Variants in PPHLN1 observed in about 807,000 individuals in gnomAD.
PPHLN1 encodes the protein periphilin 1.
PPHLN1 carries 29 observed loss-of-function variants against 51.3 expected under a neutral mutation model. That is an observed-to-expected ratio of 0.57 (90% CI 0.42 to 0.77). The LOEUF (loss-of-function observed/expected upper bound fraction) is 0.77, where lower values mean the gene tolerates loss of function less well. Among genes scored for constraint, PPHLN1 ranks in the 30% least tolerant of loss-of-function variants. The pLI, the probability that PPHLN1 is intolerant of heterozygous loss-of-function variation, is 0.00. For missense variants in PPHLN1, 436 were observed against 438.4 expected (o/e 0.99, Z 0.05); for synonymous variants, 147 against 147.8 (o/e 0.99, Z 0.04).
rs766925851 is a variant in PPHLN1, at chr12:42,442,149, T to G, written c.*640T>G. 4.2e-5 allele frequency: 9 copies of G among 215,908 alleles called. No individual in the cohort carries two copies. Among genetic ancestry groups the G allele is most frequent in the Non-Finnish European group, 7.1e-5 (9 of 126,226 alleles). 13.4% of individuals were successfully genotyped at this position (215,908 alleles called of 1,614,324 possible). On this transcript the variant is annotated 3_prime_UTR_variant, in exon 10 of 10. Transcript: ENST00000358314. Reference sequence around the variant, plus strand: ...TAATATCATATACAAGACTAATAAATAGAAGATGCAGTTTGAGGTGGAAGG... The same window carrying G: ...TAATATCATATACAAGACTAATAAAGAGAAGATGCAGTTTGAGGTGGAAGG...
chr12:42,388,630 C>G (rs1350177853), intron 7 of PPHLN1, among the ~76,000 whole-genome samples: 1 of 152,094 alleles, frequency 6.6e-6, no homozygotes, highest in Non-Finnish European at 1.5e-5. Context: ...TACTTTGTCT[C>G]TGTGTCTTAT....
chr12:42,442,878 G>A (rs1289219595), downstream of PPHLN1: 4 of 1,383,692 alleles, frequency 2.9e-6, no homozygotes, highest in Admixed American at 7.5e-5. Flanking sequence ...AGCTAGCAGA[G>A]CCTCGGTTTC....
At chr12:42,392,637 T>C (rs556285615) in intron 7 of PPHLN1, among the ~76,000 whole-genome samples, 11 of 152,338 alleles carry the variant, frequency 7.2e-5, no homozygotes, top group Middle Eastern at 6.8e-3. Flanking sequence ...AATTTGTGCT[T>C]GACAATTCAT....
At chr12:42,412,531 T>C (rs1473204004) in intron 9 of PPHLN1, among the ~76,000 whole-genome samples, 1 of 152,198 alleles carries the variant, frequency 6.6e-6, no homozygotes, top group African/African-American at 2.4e-5. Flanking sequence ...AATTGTGAAT[T>C]GTGCTACAAT....
intron 5 of PPHLN1, 138 bp from the exon 6 acceptor site, chr12:42,384,802 A>T: frequency 1.5e-6 from 1 of 665,964 alleles, no homozygotes; most frequent in Non-Finnish European, 2.5e-6. Flanking sequence ...ACTTGAAAGT[A>T]GGGTAGGAAA....
At position 42,375,045 on chromosome 12, in the gene PPHLN1, C is replaced by T. The variant is rs143824293; in HGVS notation, c.482C>T (p.Ser161Leu). 11 of 1,612,034 alleles carry T rather than the reference C, an allele frequency of 6.8e-6. No individual in the cohort carries two copies. The highest frequency in any genetic ancestry group is 9.3e-6 in the Non-Finnish European group (11 of 1,178,736). Residue 161 changes from serine to leucine, a missense_variant, in exon 5 of 10, where the codon TCA (serine) becomes TTA (leucine). By Grantham distance (145) the Ser-to-Leu change is moderately radical. Transcript: ENST00000358314. ...AGCTACTCTCCAGAAAGGAGCAAAT[C>T]ATACTCTTTCCATCAGTCTCAACAT... ...SRSYSPERSK[S>L]YSFHQSQHRK...
chr12:42,430,075 G>C (rs551361552), intron 9 of PPHLN1, among the ~76,000 whole-genome samples: 1 of 152,288 alleles, frequency 6.6e-6, no homozygotes, highest in Non-Finnish European at 1.5e-5. Context: ...TTTAGGGGCT[G>C]ATTGCCCAGG....
intron 4 of PPHLN1, among the ~76,000 whole-genome samples, chr12:42,360,043 G>A (rs573500361): frequency 1.3e-5 from 2 of 150,322 alleles, no homozygotes; most frequent in East Asian, 4.0e-4. Flanking sequence ...AGGAGATGGA[G>A]GCTGCAGTGA....
intron 9 of PPHLN1, chr12:42,431,968 G>T: frequency 6.8e-7 from 1 of 1,474,408 alleles, no homozygotes; most frequent in Non-Finnish European, 9.5e-7. Flanking sequence ...GCTGGCATCA[G>T]TGTCTGCAGT....
At chr12:42,340,495 A>G (rs559588885) in intron 2 of PPHLN1, among the ~76,000 whole-genome samples, 2 of 152,326 alleles carry the variant, frequency 1.3e-5, no homozygotes, top group African/African-American at 2.4e-5. Context: ...TTATACACCA[A>G]TGAGAATCAA....
At chr12:42,411,916 A>C (rs1319300692) in intron 9 of PPHLN1, among the ~76,000 whole-genome samples, 1 of 128,030 alleles carries the variant, frequency 7.8e-6, no homozygotes, top group African/African-American at 3.0e-5. Context: ...AAAAAAAAAA[A>C]AAAAAAAGGG....
intron 9 of PPHLN1, among the ~76,000 whole-genome samples, chr12:42,407,359 A>G (rs1336027012): frequency 1.3e-5 from 2 of 152,234 alleles, no homozygotes; most frequent in African/African-American, 2.4e-5. Context: ...TGCTGTTGGC[A>G]GAAGATTTTG....
chr12:42,429,181 A>T (rs557616967), intron 9 of PPHLN1, among the ~76,000 whole-genome samples: 2 of 152,264 alleles, frequency 1.3e-5, no homozygotes, highest in East Asian at 3.9e-4. Flanking sequence ...CATCTTAGAA[A>T]TTCTTTTCCC....
chr12:42,424,308 C>T (rs1198139474), intron 9 of PPHLN1, among the ~76,000 whole-genome samples: 7 of 152,198 alleles, frequency 4.6e-5, no homozygotes, highest in African/African-American at 1.2e-4. Flanking sequence ...CAGGGTTTCT[C>T]ATGTAACAGG....
chr12:42,343,559 A>G (rs554879773), intron 2 of PPHLN1, among the ~76,000 whole-genome samples: 6 of 152,320 alleles, frequency 3.9e-5, no homozygotes, highest in African/African-American at 1.4e-4. Context: ...CTACTCAAGC[A>G]TATGTATTAT....
At chr12:42,397,037 CAAAA>C (rs34558119) in intron 8 of PPHLN1, among the ~76,000 whole-genome samples, 6 of 129,026 alleles carry the variant, frequency 4.7e-5, no homozygotes, top group African/African-American at 5.9e-5. Context: ...GACCTAGTCT[CAAAA>C]AAAAAAAAAA....
intron 9 of PPHLN1, among the ~76,000 whole-genome samples, chr12:42,429,698 A>G (rs1167416067): frequency 1.3e-5 from 2 of 152,256 alleles, no homozygotes; most frequent in Non-Finnish European, 2.9e-5. Context: ...GCTTTAACAT[A>G]GAAGGTGAGC....
intron 9 of PPHLN1, among the ~76,000 whole-genome samples, chr12:42,439,039 TA>T (rs1381171140): frequency 1.3e-5 from 2 of 152,236 alleles, no homozygotes; most frequent in Non-Finnish European, 2.9e-5. Context: ...CACAGATTTT[TA>T]AATTTTAATG....
At chr12:42,418,218 T>C (rs1203360295) in intron 9 of PPHLN1, among the ~76,000 whole-genome samples, 1 of 63,830 alleles carries the variant, frequency 1.6e-5, no homozygotes, top group Non-Finnish European at 4.1e-5. Context: ...CCTCTTTTTT[T>C]TTTTTTTTTT....
Sources: gnomAD v4.1 joint callset for allele counts (sites outside exome capture counted in the v4.1 genomes callset) on GRCh38, gnomAD v4.1.1 for gene constraint, MANE v1.5 for transcripts, NCBI Gene and HGNC (gene_info 2026-07-23, HGNC 2026-07-21) for gene names.